TCF7L2: variants seen among roughly 807,000 people sequenced by gnomAD.
TCF7L2 encodes the protein transcription factor 7-like 2.
A neutral mutation model predicts 77.9 loss-of-function variants in TCF7L2; 23 were observed. The ratio of observed to expected loss-of-function variants is 0.30; its 90% CI spans 0.21 to 0.42. TCF7L2 has a LOEUF of 0.42. TCF7L2 is among the 10% of genes least tolerant of loss of function. TCF7L2 has a pLI of 1.00. For synonymous variants in TCF7L2, 413 were observed against 340.2 expected, an observed-to-expected ratio of 1.21 and a Z score of -2.36; for missense variants, 654 against 793.1, an observed-to-expected ratio of 0.82 and a Z score of 2.11.
intron 5 of TCF7L2, among the ~76,000 whole-genome samples, chr10:113,075,940 C>T (rs958684005): frequency 2.6e-5 from 4 of 151,766 alleles, no homozygotes; most frequent in African/African-American, 9.7e-5. Context: ...GTTCGAGACA[C>T]ACCTGGCCAA....
chr10:113,118,664 GTT>G (rs78459197), intron 5 of TCF7L2, among the ~76,000 whole-genome samples: 863 of 68,238 alleles, frequency 0.013, 8 homozygotes, highest in Middle Eastern at 0.032. Flanking sequence ...GTTTTTTTTT[GTT>G]TTTTTTTTTT....
chr10:113,097,646 G>GAAAAAAAAAAAAAACAAAAAAA (rs2061154254), intron 5 of TCF7L2, among the ~76,000 whole-genome samples: 1 of 36,732 alleles, frequency 2.7e-5, no homozygotes, highest in African/African-American at 1.1e-4. Flanking sequence ...TCTTGTCTCG[G>GAAAAAAAAAAAAAACAAAAAAA]AAAAAAAAAA....
chr10:113,073,627 G>A (rs1210075550), intron 5 of TCF7L2, among the ~76,000 whole-genome samples: 2 of 151,212 alleles, frequency 1.3e-5, no homozygotes, highest in African/African-American at 2.4e-5. Context: ...AGGGGTTTGC[G>A]GCTGCAGTGA....
intron 4 of TCF7L2, among the ~76,000 whole-genome samples, chr10:112,979,006 G>A (rs1489398773): frequency 1.3e-5 from 2 of 152,114 alleles, no homozygotes; most frequent in South Asian, 2.1e-4. Flanking sequence ...TACATTGTTG[G>A]TTTTGCCAAG....
chr10:112,971,138 G>A (rs1007278270), intron 4 of TCF7L2, among the ~76,000 whole-genome samples: 2 of 152,156 alleles, frequency 1.3e-5, no homozygotes, highest in Admixed American at 1.3e-4. Context: ...TCATCAGTGA[G>A]CAAAACAGAC....
chr10:113,096,989 A>G (rs965301989), intron 5 of TCF7L2, among the ~76,000 whole-genome samples: 1 of 152,068 alleles, frequency 6.6e-6, no homozygotes, highest in Non-Finnish European at 1.5e-5. Context: ...GGGTCAGACA[A>G]GCTTAGCCTG....
chr10:113,049,830 CCCAGGCACTGG>C (rs371921502), intron 5 of TCF7L2, among the ~76,000 whole-genome samples: 88 of 152,272 alleles, frequency 5.8e-4, no homozygotes, highest in African/African-American at 2.0e-3. Context: ...TGCCACTAAG[CCCAGGCACTGG>C]CCATGCTTCG....
At position 113,016,867 on chromosome 10, in the gene TCF7L2, C is replaced by T. The variant is rs558537533; in HGVS notation, c.451-23158C>T. ...CCCACCAGATCCTGACAGCATCCCA[C>T]GCGGGAGCACTCTCGTGTGCCCCTG... On this transcript the variant is annotated intron_variant, in intron 4 of 13. Coordinates refer to ENST00000627217, the MANE Select transcript of TCF7L2 (RefSeq NM_001146274.2). Among the ~76,000 whole-genome samples, 13 of 152,286 alleles carry T rather than the reference C, an allele frequency of 8.5e-5. 1 individual carries two copies. The South Asian group carries it at 2.1e-3, about 24-fold the overall frequency.
intron 5 of TCF7L2, among the ~76,000 whole-genome samples, chr10:113,068,719 G>T (rs987085954): frequency 6.6e-6 from 1 of 152,058 alleles, no homozygotes; most frequent in African/African-American, 2.4e-5. Flanking sequence ...GTGCTTGGCT[G>T]TTCCCTTGGG....
intron 4 of TCF7L2, among the ~76,000 whole-genome samples, chr10:112,971,682 G>A (rs1043657568): frequency 1.3e-5 from 2 of 150,192 alleles, no homozygotes; most frequent in African/African-American, 4.9e-5. Context: ...GCGTGATGTC[G>A]GCTCACTGCA....
intron 4 of TCF7L2, among the ~76,000 whole-genome samples, chr10:113,035,385 A>G (rs1220040452): frequency 6.6e-6 from 1 of 152,256 alleles, no homozygotes; most frequent in Non-Finnish European, 1.5e-5. Context: ...ACTATGGCCC[A>G]TAGACCAAAA....
chr10:113,016,679 T>G (rs2047387544), intron 4 of TCF7L2, among the ~76,000 whole-genome samples: 1 of 152,028 alleles, frequency 6.6e-6, no homozygotes, highest in Non-Finnish European at 1.5e-5. Context: ...GCTGGAGAGT[T>G]GTTTTATTTG....
At chr10:113,112,564 G>A (rs2063269874) in intron 5 of TCF7L2, among the ~76,000 whole-genome samples, 1 of 152,226 alleles carries the variant, frequency 6.6e-6, no homozygotes, top group African/African-American at 2.4e-5. Context: ...GTGTTGTAAA[G>A]GGCACAGCAA....
chr10:113,072,450 G>A (rs1293696364), intron 5 of TCF7L2, among the ~76,000 whole-genome samples: 2 of 151,742 alleles, frequency 1.3e-5, no homozygotes, highest in Non-Finnish European at 1.5e-5. Flanking sequence ...CGCCTCCCGG[G>A]TTCAAGCGAT....
At chr10:113,098,760 CT>C (rs1440524334) in intron 5 of TCF7L2, among the ~76,000 whole-genome samples, 16 of 152,138 alleles carry the variant, frequency 1.1e-4, no homozygotes, top group African/African-American at 3.9e-4. Context: ...TGATCATTGA[CT>C]TTTTCTTTTG....
intron 5 of TCF7L2, among the ~76,000 whole-genome samples, chr10:113,096,052 G>A (rs903808976): frequency 1.3e-5 from 2 of 152,206 alleles, no homozygotes; most frequent in African/African-American, 4.8e-5. Flanking sequence ...GAGGTGACAG[G>A]TCAGTTTTTA....
intron 5 of TCF7L2, among the ~76,000 whole-genome samples, chr10:113,046,976 T>C (rs1426877093): frequency 6.6e-6 from 1 of 152,206 alleles, no homozygotes; most frequent in East Asian, 1.9e-4. Context: ...TAATAAGCAC[T>C]TCCCCATGTC....
chr10:113,072,193 C>G (rs1272050550), intron 5 of TCF7L2, among the ~76,000 whole-genome samples: 1 of 150,704 alleles, frequency 6.6e-6, no homozygotes, highest in Admixed American at 6.6e-5. Context: ...GTAGCTGGGA[C>G]TACAGGCACC....
intron 4 of TCF7L2, among the ~76,000 whole-genome samples, chr10:113,008,692 C>T (rs1166813900): frequency 6.6e-6 from 1 of 152,124 alleles, no homozygotes; most frequent in Non-Finnish European, 1.5e-5. Flanking sequence ...TTAGTATAAT[C>T]CCGTAACGGC....
Sources: gnomAD v4.1 joint callset for allele counts (sites outside exome capture counted in the v4.1 genomes callset) on GRCh38, gnomAD v4.1.1 for gene constraint, MANE v1.5 for transcripts, NCBI Gene and HGNC (gene_info 2026-07-23, HGNC 2026-07-21) for gene names.